The following RORB variants were observed in gnomAD, a reference collection of about 807,000 sequenced individuals.
The protein encoded by RORB is RAR related orphan receptor B.
Under a neutral mutation model 59.1 loss-of-function variants are expected in RORB, and 6 were observed. The ratio of observed to expected loss-of-function variants is 0.10; its 90% CI spans 0.06 to 0.20. The LOEUF is 0.20. RORB is among the 10% of genes least tolerant of loss of function. The probability of loss-of-function intolerance (pLI) is 1.00; values close to 1 mark genes in which losing one functional copy is unlikely to be tolerated. For synonymous variants in RORB, 215 were observed against 204.5 expected, an observed-to-expected ratio of 1.05 and a Z score of -0.44; for missense variants, 320 against 560.5, an observed-to-expected ratio of 0.57 and a Z score of 4.33.
chr9:74,539,665 A>G (rs773690674), intron 1 of RORB, among the ~76,000 whole-genome samples: 12 of 152,160 alleles, frequency 7.9e-5, no homozygotes, highest in Non-Finnish European at 1.5e-4. Flanking sequence ...TACAAATGGC[A>G]TTTATAGATA....
At chr9:74,537,966 A>G (rs554274853) in intron 1 of RORB, among the ~76,000 whole-genome samples, 1 of 152,238 alleles carries the variant, frequency 6.6e-6, no homozygotes, top group East Asian at 1.9e-4. Context: ...ACTCATCCAG[A>G]GAAACTTCCA....
At chr9:74,655,821 C>A (rs1824068931) in intron 4 of RORB, among the ~76,000 whole-genome samples, 1 of 152,186 alleles carries the variant, frequency 6.6e-6, no homozygotes, top group African/African-American at 2.4e-5. Flanking sequence ...CCAAGTCTAG[C>A]TGTACCGCGT....
At position 74,658,494 on chromosome 9, in the gene RORB, A is replaced by G. The variant is rs1447922116; in HGVS notation, c.638-2123A>G. Among the ~76,000 whole-genome samples, 7 of 147,870 alleles carry G rather than the reference A, an allele frequency of 4.7e-5. No homozygotes were observed. The East Asian group carries it at 1.2e-3, about 24-fold the overall frequency. On this transcript the variant is annotated intron_variant, in intron 4 of 9. Coordinates refer to ENST00000376896, the MANE Select transcript of RORB (RefSeq NM_006914.4). ...TGGCCAACAGTTCCAGGCAGATATC[A>G]TAAAAGAACAGATAAAGTTTTTCAC...
chr9:74,671,534 A>G (rs1327756988), intron 8 of RORB, among the ~76,000 whole-genome samples: 5 of 152,234 alleles, frequency 3.3e-5, no homozygotes, highest in African/African-American at 1.2e-4. Context: ...ACAGACAATA[A>G]GAAACAAAGC....
intron 1 of RORB, among the ~76,000 whole-genome samples, chr9:74,504,609 C>A (rs1484801049): frequency 1.3e-5 from 2 of 151,978 alleles, no homozygotes; most frequent in African/African-American, 2.4e-5. Context: ...TTACTAATGT[C>A]ATTTTTGTGT....
intron 1 of RORB, among the ~76,000 whole-genome samples, chr9:74,578,735 T>C (rs890637212): frequency 5.3e-5 from 8 of 152,132 alleles, no homozygotes; most frequent in Non-Finnish European, 8.8e-5. Context: ...GTAGTTAAAA[T>C]GGTACAAGAC....
At chr9:74,576,682 C>T (rs1425985664) in intron 1 of RORB, among the ~76,000 whole-genome samples, 2 of 151,982 alleles carry the variant, frequency 1.3e-5, no homozygotes, top group Non-Finnish European at 2.9e-5. Flanking sequence ...TTTGAACCCG[C>T]CTGGGAAAGC....
intron 9 of RORB, among the ~76,000 whole-genome samples, chr9:74,680,870 A>G (rs1334966147): frequency 6.6e-6 from 1 of 152,046 alleles, no homozygotes; most frequent in Non-Finnish European, 1.5e-5. Flanking sequence ...TACCCTCTGC[A>G]TGTTCCATTT....
intron 4 of RORB, among the ~76,000 whole-genome samples, chr9:74,657,081 C>T (rs1201699880): frequency 6.6e-6 from 1 of 152,168 alleles, no homozygotes; most frequent in Non-Finnish European, 1.5e-5. Flanking sequence ...GAGTCACGCT[C>T]TGTCACCAGG....
intron 1 of RORB, among the ~76,000 whole-genome samples, chr9:74,523,341 C>A (rs2118076476): frequency 6.6e-6 from 1 of 151,800 alleles, no homozygotes; most frequent in Non-Finnish European, 1.5e-5. Flanking sequence ...ATTTGCTTGG[C>A]CTGCATCTTC....
rs1587427717 is a variant in RORB at position 74,692,165 on chromosome 9, A to G, written c.*6547A>G. ...GACCTTCACCAAATAAATGTTGTAA[A>G]GAACCTAGGGGAGGGTTGGGGAGAG... On this transcript the variant is annotated 3_prime_UTR_variant, in exon 10 of 10. Transcript: ENST00000376896. 1 of 152,206 alleles carries G rather than the reference A, an allele frequency of 6.6e-6. No individual in the cohort carries two copies. 9.4% of individuals were successfully genotyped at this position (152,206 alleles called of 1,614,324 possible).
intron 4 of RORB, among the ~76,000 whole-genome samples, chr9:74,648,865 C>T (rs1260852485): frequency 6.6e-6 from 1 of 152,130 alleles, no homozygotes; most frequent in African/African-American, 2.4e-5. Context: ...GTACAGATGC[C>T]GCTTTAGGGC....
At chr9:74,622,545 G>C (rs76766846) in intron 1 of RORB, among the ~76,000 whole-genome samples, 2 of 7,140 alleles carry the variant, frequency 2.8e-4, no homozygotes, top group East Asian at 7.1e-3. Flanking sequence ...TTTTTTTTTT[G>C]AGACAGAGTC....
chr9:74,621,745 C>A (rs1823423243), intron 1 of RORB, among the ~76,000 whole-genome samples: 1 of 152,188 alleles, frequency 6.6e-6, no homozygotes, highest in Admixed American at 6.5e-5. Flanking sequence ...TCCTCTCCAG[C>A]ATTTGGTATT....
intron 1 of RORB, among the ~76,000 whole-genome samples, chr9:74,616,116 T>G (rs1197507334): frequency 6.6e-6 from 1 of 152,220 alleles, no homozygotes; most frequent in Non-Finnish European, 1.5e-5. Context: ...GGTTGAATGA[T>G]TATTAACTAT....
rs534305121 is a variant in RORB at position 74,639,270 on chromosome 9, T to C, written c.236-3144T>C. ...GGTGAGGTGCACAATCACACGAGCC[T>C]TTTTCAAGTCTCTGCTGTGTCACAT... On this transcript the variant is annotated intron_variant, in intron 3 of 9. Transcript: ENST00000376896. 7.2e-5 allele frequency among the ~76,000 whole-genome samples: 11 copies of C among 152,350 alleles called. No homozygotes were observed. In the South Asian group the frequency reaches 2.1e-3, roughly 29 times the overall value.
At chr9:74,557,724 C>T (rs892913740) in intron 1 of RORB, among the ~76,000 whole-genome samples, 2 of 151,980 alleles carry the variant, frequency 1.3e-5, no homozygotes, top group Non-Finnish European at 2.9e-5. Context: ...TTATAATATC[C>T]CTCGCAACTC....
At chr9:74,574,353 A>G (rs1027470643) in intron 1 of RORB, among the ~76,000 whole-genome samples, 6 of 152,140 alleles carry the variant, frequency 3.9e-5, no homozygotes, top group African/African-American at 1.4e-4. Context: ...CTGTGTTGTT[A>G]TATCACTTTA....
At chr9:74,504,641 G>A (rs1195470152) in intron 1 of RORB, among the ~76,000 whole-genome samples, 1 of 151,928 alleles carries the variant, frequency 6.6e-6, no homozygotes, top group African/African-American at 2.4e-5. Context: ...ATATCATGTG[G>A]TCCTGGCTAA....
Sources: allele counts gnomAD v4.1 joint callset (sites outside exome capture counted in the v4.1 genomes callset), GRCh38; gene constraint gnomAD v4.1.1; transcripts MANE v1.5; gene names NCBI Gene and HGNC (gene_info 2026-07-23, HGNC 2026-07-21).